CELSR3: variants seen among roughly 807,000 people sequenced by gnomAD.
CELSR3 encodes cadherin EGF LAG seven-pass G-type receptor 3.
CELSR3 carries 73 observed loss-of-function variants against 270.0 expected under a neutral mutation model. That is an observed-to-expected ratio of 0.27 (90% confidence interval 0.22 to 0.33). The LOEUF is 0.33. CELSR3 is among the 10% of genes least tolerant of loss of function. The probability of loss-of-function intolerance (pLI) is 1.00; values close to 1 mark genes in which losing one functional copy is unlikely to be tolerated. For synonymous variants in CELSR3, 1,780 were observed against 1,905.4 expected, an observed-to-expected ratio of 0.93 and a Z score of 1.71; for missense variants, 3,614 against 4,533.8, an observed-to-expected ratio of 0.80 and a Z score of 5.83.
In CELSR3 at chr3:48,645,773, A is replaced by G; in HGVS notation, c.7559T>C (p.Phe2520Ser). 2 of 1,611,776 alleles carry G rather than the reference A, an allele frequency of 1.2e-6. No homozygotes were observed. Among genetic ancestry groups the G allele is most frequent in the Non-Finnish European group, 1.7e-6 (2 of 1,179,160 alleles). Residue 2520 changes from phenylalanine (F) to serine (S), a missense_variant, in exon 23 of 35, where the codon TTT becomes TCT. By Grantham distance (155) the Phe-to-Ser change is radical. Transcript: ENST00000164024. The surrounding 1 kb of genome is among the most constrained non-coding windows in gnomAD (Gnocchi z 5.4). ...GGGAGAGGCATCCATGAGGACCCCAAAGGTCCCTGTCCGGCTGCAGCGACA... is the reference window on the plus strand; with the variant it reads ...GGGAGAGGCATCCATGAGGACCCCAGAGGTCCCTGTCCGGCTGCAGCGACA... The part of the protein sequence containing the change: ...ARCRCSRTGT[F>S]GVLMDASPRE...
rs566331050 is a variant in CELSR3 at position 48,650,662 on chromosome 3, C to A, written c.6371-81G>T. 30 of 1,180,576 alleles carry A rather than the reference C, an allele frequency of 2.5e-5. No homozygotes were observed. The South Asian group carries it at 4.0e-4, about 16-fold the overall frequency. The allele number at this position is 1,180,576 out of a possible 1,614,324, so 73.1% of individuals were successfully genotyped here. ...CACACCCACTGCCCCTCCACCACCC[C>A]CCACAAGGCCCACTGCCCGCCACTC... On this transcript the variant is annotated intron_variant, in intron 15 of 34. Coordinates refer to ENST00000164024, the MANE Select transcript of CELSR3 (RefSeq NM_001407.3). The surrounding 1 kb of genome is among the most constrained non-coding windows in gnomAD (Gnocchi z 5.1).
rs971470342 is a variant in CELSR3, at chr3:48,652,863, T to C, written c.5634+139A>G. On this transcript the variant is annotated intron_variant, in intron 10 of 34. Transcript: ENST00000164024. This position sits in a 1 kb window ranked among gnomAD's most constrained non-coding sequence, Gnocchi z 4.3. ...GGTGGGTGGGCTCAGTGCAAGGATA[T>C]ATGGTGGGGAACTAGGGGTAGAACA... 1.6e-5 allele frequency: 13 copies of C among 788,944 alleles called. No individual in the cohort carries two copies. Among genetic ancestry groups the C allele is most frequent in the Non-Finnish European group, 2.7e-5 (13 of 474,868 alleles). The allele number at this position is 788,944 out of a possible 1,614,324, so 48.9% of individuals were successfully genotyped here.
Position 48,657,362 on chromosome 3 carries a change from CA to C in CELSR3, c.3749-15del, listed in dbSNP as rs759078170. 2 of 1,568,772 alleles carry C rather than the reference CA, an allele frequency of 1.3e-6. No homozygotes were observed. Among genetic ancestry groups the C allele is most frequent in the Non-Finnish European group, 1.7e-6 (2 of 1,157,634 alleles). ...TGTGCAGGCCATCTGCAGGCGGGGGCAGGGGCAGTGGTCATCCTGGGGACAG... is the reference window on the plus strand; with the variant it reads ...TGTGCAGGCCATCTGCAGGCGGGGGCGGGGCAGTGGTCATCCTGGGGACAG... On this transcript the variant is annotated splice_polypyrimidine_tract_variant and intron_variant, in intron 1 of 34. Transcript: ENST00000164024. This position sits in a 1 kb window ranked among gnomAD's most constrained non-coding sequence, Gnocchi z 5.4.
intron 18 of CELSR3, 37 bp downstream of exon 18, chr3:48,648,682 G>A (rs1279723264): frequency 6.3e-7 from 1 of 1,592,300 alleles, no homozygotes; most frequent in Non-Finnish European, 8.5e-7. Context: ...TGGGAGCTGG[G>A]GGGCCAAGGC....
chr3:48,647,644 G>A (rs1175238735), intron 20 of CELSR3, among the ~76,000 whole-genome samples, 197 bp downstream of exon 20: 1 of 56,954 alleles, frequency 1.8e-5, no homozygotes, highest in Non-Finnish European at 3.5e-5. Context: ...GGGTGGAGGG[G>A]AGATGTGGGA....
Position 48,643,113 on chromosome 3 carries a change from C to T in CELSR3, c.8290-30G>A, listed in dbSNP as rs200353517. Reference sequence around the variant, plus strand: ...GGGTCAGCGAGGGTCAAAGCAGAGTCGGCAGGGATCAATCAGGGACCAGTA... The same window carrying T: ...GGGTCAGCGAGGGTCAAAGCAGAGTTGGCAGGGATCAATCAGGGACCAGTA... On this transcript the variant is annotated intron_variant, in intron 28 of 34. Coordinates refer to ENST00000164024, the MANE Select transcript of CELSR3 (RefSeq NM_001407.3). The T allele has an allele frequency of 3.5e-5, 51 of 1,437,886 alleles. No individual in the cohort carries two copies. In the African/African-American group the frequency reaches 5.2e-4, roughly 15 times the overall value. The allele number at this position is 1,437,886 out of a possible 1,614,324, so 89.1% of individuals were successfully genotyped here. A position where few individuals can be genotyped will look rare whatever the true frequency, so the allele number is the denominator to read the frequency against.
In CELSR3 at chr3:48,651,256, G is replaced by A; in HGVS notation, c.6186+103C>T. ...GACAGCAACTTGGTCACAGGACACA[G>A]GCAAGAGGTTAGGGCCCAAGTCAGG... On this transcript the variant is annotated intron_variant, in intron 14 of 34. Transcript: ENST00000164024. This position sits in a 1 kb window ranked among gnomAD's most constrained non-coding sequence, Gnocchi z 7.4. The A allele has an allele frequency of 6.4e-7, 1 of 1,554,458 alleles. No individual in the cohort carries two copies. Among genetic ancestry groups the A allele is most frequent in the South Asian group, 1.2e-5 (1 of 82,758 alleles).
In CELSR3 at chr3:48,659,917, A is replaced by T. The variant is rs763193445; in HGVS notation, c.2718T>A (p.Ile906=). The T allele has an allele frequency of 5.6e-6, 9 of 1,614,024 alleles. No individual in the cohort carries two copies. The highest frequency in any genetic ancestry group is 6.8e-6 in the Non-Finnish European group (8 of 1,180,030). ...LLEDNLPQFR[I]DADSGAITLQ... is the part of the protein sequence containing the mutation. ...ATGTAATGGCTCCTGAGTCTGCATC[A>T]ATGCGGAACTGGGGCAGGTTGTCCT... The change falls in exon 1 of 35, where the codon ATT becomes ATA. Residue 906 remains isoleucine (I), a synonymous_variant. Transcript: ENST00000164024. The surrounding 1 kb of genome is among the most constrained non-coding windows in gnomAD (Gnocchi z 8.1).
chr3:48,662,191 C>A lies in CELSR3; in HGVS notation c.444G>T (p.Leu148Phe). ...EVSSCGRTGP[L>F]QRGSLSPGAL... ...CCCCTGGTGACAGACTACCTCTTTG[C>A]AAAGGTCCTGTCCGCCCGCAAGAGG... Residue 148 changes from leucine (L) to phenylalanine (F), a missense_variant, in exon 1 of 35, where the codon TTG becomes TTT. Leu to Phe is a conservative substitution (Grantham distance 22, BLOSUM62 0). Transcript: ENST00000164024. This position sits in a 1 kb window ranked among gnomAD's most constrained non-coding sequence, Gnocchi z 7.1. The A allele has an allele frequency of 1.2e-6, 2 of 1,612,578 alleles. No homozygotes were observed. The highest frequency in any genetic ancestry group is 1.7e-6 in the Non-Finnish European group (2 of 1,179,386).
rs758286806 is a variant in CELSR3, at chr3:48,641,539, C to T, written c.8825-15G>A. ...GCCATCCACATCTGTGGAGCCAGGT[C>T]AGGTTACAGGAGCTTCTGGGTTGAT... On this transcript the variant is annotated splice_polypyrimidine_tract_variant and intron_variant, in intron 32 of 34. Transcript: ENST00000164024. This position sits in a 1 kb window ranked among gnomAD's most constrained non-coding sequence, Gnocchi z 4.8. 1 of 1,595,710 alleles carries T rather than the reference C, an allele frequency of 6.3e-7. No individual in the cohort carries two copies. Among genetic ancestry groups the T allele is most frequent in the Non-Finnish European group, 8.6e-7 (1 of 1,165,784 alleles).
chr3:48,639,779 C>T lies in CELSR3; in HGVS notation c.9806G>A (p.Gly3269Asp). 1 of 1,613,564 alleles carries T rather than the reference C, an allele frequency of 6.2e-7. No homozygotes were observed. The highest frequency in any genetic ancestry group is 8.5e-7 in the Non-Finnish European group (1 of 1,179,962). The change falls in exon 34 of 35, where the codon GGC becomes GAC. Residue 3269 changes from glycine (G) to aspartate (D), a missense_variant. Gly to Asp is a moderately conservative substitution (Grantham distance 94). Transcript: ENST00000164024. The surrounding 1 kb of genome is among the most constrained non-coding windows in gnomAD (Gnocchi z 4.1). Reference protein sequence around the residue: ...SSVQSSSTPLGPHTTATPSAT... With the variant: ...SSVQSSSTPLDPHTTATPSAT... ...AGAAGGTGTGGCAGTGGTGTGAGGG[C>T]CCAAGGGTGTGCTTGAAGATTGCAC...
At position 48,638,013 on chromosome 3, in the gene CELSR3, GTC is replaced by G; in HGVS notation, c.*190_*191del. ...TATAAAAGTCTCCCTCCAGTCCCCCGTCTCTGCACCTGTCACACGCATGCTCA... is the reference window on the plus strand; with the variant it reads ...TATAAAAGTCTCCCTCCAGTCCCCCGTCTGCACCTGTCACACGCATGCTCA... On this transcript the variant is annotated 3_prime_UTR_variant, in exon 35 of 35. Transcript: ENST00000164024. 1.8e-6 allele frequency: 1 copy of G among 550,348 alleles called. No individual in the cohort carries two copies. The highest frequency in any genetic ancestry group is 3.3e-6 in the Non-Finnish European group (1 of 299,640). The allele number at this position is 550,348 out of a possible 1,614,324, so 34.1% of individuals were successfully genotyped here.
chr3:48,648,652 G>T, intron 18 of CELSR3, 67 bp downstream of exon 18: 2 of 1,545,038 alleles, frequency 1.3e-6, no homozygotes, highest in East Asian at 2.3e-5. Flanking sequence ...GCCTGAGCTG[G>T]GGATCCAGGG....
At position 48,651,072 on chromosome 3, in the gene CELSR3, A is replaced by G; in HGVS notation, c.6190T>C (p.Phe2064Leu). Residue 2064 changes from phenylalanine (F) to leucine (L), a missense_variant, in exon 15 of 35, where the codon TTC (phenylalanine) becomes CTC (leucine). Phe to Leu is a conservative substitution (Grantham distance 22). Transcript: ENST00000164024. The surrounding 1 kb of genome is among the most constrained non-coding windows in gnomAD (Gnocchi z 7.4). ...TCACTGCCCCGCGGTCGGTAGTGGAACTCCTGTTTGAGGATGGGCCAGGGG... is the reference window on the plus strand; with the variant it reads ...TCACTGCCCCGCGGTCGGTAGTGGAGCTCCTGTTTGAGGATGGGCCAGGGG... ...KTNGQCHCKE[F>L]HYRPRGSDSC... 1.9e-6 allele frequency: 3 copies of G among 1,556,556 alleles called. No homozygotes were observed. Among genetic ancestry groups the G allele is most frequent in the Middle Eastern group, 1.7e-4 (1 of 5,722 alleles).
chr3:48,642,339 C>A lies in CELSR3; in HGVS notation c.8665+19G>T. ...AGATCCTCTGCCTCCCTCCTCCCTGCCCCAGGCCCCAACTCCACCAGCATC... is the reference window on the plus strand; with the variant it reads ...AGATCCTCTGCCTCCCTCCTCCCTGACCCAGGCCCCAACTCCACCAGCATC... On this transcript the variant is annotated intron_variant, in intron 31 of 34. Transcript: ENST00000164024. This position sits in a 1 kb window ranked among gnomAD's most constrained non-coding sequence, Gnocchi z 6.1. 6.2e-7 allele frequency: 1 copy of A among 1,608,348 alleles called. No homozygotes were observed. The highest frequency in any genetic ancestry group is 1.1e-5 in the South Asian group (1 of 90,548).
chr3:48,638,745 G>C (rs377418819), intron 34 of CELSR3, among the ~76,000 whole-genome samples: 1 of 150,248 alleles, frequency 6.7e-6, no homozygotes, highest in South Asian at 2.1e-4. Context: ...CCAGGCCGTG[G>C]GTTAGCTCCC....
chr3:48,648,249 C>CCCCCCCCCCCCCAAA lies in CELSR3; in HGVS notation c.6973+16_6973+17insTTTGGGGGGGGGGGG. 2.7e-6 allele frequency: 2 copies of CCCCCCCCCCCCCAAA among 728,358 alleles called. No homozygotes were observed. The highest frequency in any genetic ancestry group is 4.6e-6 in the Non-Finnish European group (2 of 433,734). The allele number at this position is 728,358 out of a possible 1,614,324, so 45.1% of individuals were successfully genotyped here. A position where few individuals can be genotyped will look rare whatever the true frequency, so the allele number is the denominator to read the frequency against. On this transcript the variant is annotated intron_variant, in intron 19 of 34. Transcript: ENST00000164024. ...GGCCCCCCTGCTGTGCCCCGCCCTA[C>CCCCCCCCCCCCCAAA]CCCACCCACAACGCACTGATATTAG...
chr3:48,659,571 C>T lies in CELSR3; in HGVS notation c.3064G>A (p.Val1022Ile), dbSNP rs1427290628. Reference protein sequence around the residue: ...IEPTSGIVRTVRRLDREAVSV... With the variant: ...IEPTSGIVRTIRRLDREAVSV... The stretch of plus-strand genomic sequence containing the variant: ...ACTGCCTCCCGGTCTAGCCGCCTTA[C>T]TGTACGGACAATTCCAGAGGTGGGC... Residue 1022 changes from valine (V) to isoleucine (I), a missense_variant, in exon 1 of 35, where the codon GTA becomes ATA. Around this residue, in one of 7 missense-constraint regions of CELSR3, gnomAD observed 1,331 missense variants for 1,933.7 expected, o/e 0.69. Transcript: ENST00000164024. The surrounding 1 kb of genome is among the most constrained non-coding windows in gnomAD (Gnocchi z 8.1). 3 of 1,614,118 alleles carry T rather than the reference C, an allele frequency of 1.9e-6. No homozygotes were observed. The highest frequency in any genetic ancestry group is 4.5e-5 in the East Asian group (2 of 44,906).
Position 48,642,303 on chromosome 3 carries a change from G to C in CELSR3, c.8665+55C>G. ...CTCCCAGTATGGGGTAGAAGAAAAG[G>C]GGATGGGGAGAGATCCTCTGCCTCC... is the stretch of plus-strand genomic sequence containing the variant. On this transcript the variant is annotated intron_variant, in intron 31 of 34. Transcript: ENST00000164024. The surrounding 1 kb of genome is among the most constrained non-coding windows in gnomAD (Gnocchi z 6.1). The C allele has an allele frequency of 6.4e-7, 1 of 1,559,288 alleles. No individual in the cohort carries two copies. Among genetic ancestry groups the C allele is most frequent in the Non-Finnish European group, 8.7e-7 (1 of 1,144,900 alleles).
Sources: allele counts gnomAD v4.1 joint callset (sites outside exome capture counted in the v4.1 genomes callset), GRCh38; gene constraint gnomAD v4.1.1; regional missense constraint gnomAD v4.1.1; non-coding constraint Gnocchi (gnomAD v3.1); transcripts MANE v1.5; gene names NCBI Gene and HGNC (gene_info 2026-07-23, HGNC 2026-07-21).